Variants in TMTC2 observed in about 807,000 individuals in gnomAD.
TMTC2 encodes the protein protein O-mannosyl-transferase TMTC2.
TMTC2 carries 43 observed loss-of-function variants against 82.4 expected under a neutral mutation model. The observed-to-expected ratio is 0.52, with a 90% confidence interval of 0.41 to 0.67. The LOEUF (loss-of-function observed/expected upper bound fraction) is 0.67. TMTC2 is among the 30% of genes least tolerant of loss of function. TMTC2 has a pLI of 0.00. For missense variants in TMTC2, 919 were observed against 1,012.4 expected (o/e 0.91, Z 1.25); for synonymous variants, 408 against 381.9 (o/e 1.07, Z -0.80).
chr12:82,844,554 C>A (rs977767673), intron 1 of TMTC2, among the ~76,000 whole-genome samples: 1 of 152,158 alleles, frequency 6.6e-6, no homozygotes, highest in Non-Finnish European at 1.5e-5. Flanking sequence ...GTAATCCCAG[C>A]ACTTTGGGTG....
At chr12:82,995,292 G>C (rs1879568038) in intron 8 of TMTC2, among the ~76,000 whole-genome samples, 1 of 151,408 alleles carries the variant, frequency 6.6e-6, no homozygotes, top group Non-Finnish European at 1.5e-5. Context: ...TTTTACAAAA[G>C]GAAATGTATT....
intron 9 of TMTC2, among the ~76,000 whole-genome samples, chr12:83,032,125 G>T (rs1881452153): frequency 6.6e-6 from 1 of 151,678 alleles, no homozygotes; most frequent in Admixed American, 6.6e-5. Flanking sequence ...CTAAAAGGCT[G>T]CCTGTCATTG....
intron 1 of TMTC2, among the ~76,000 whole-genome samples, chr12:82,772,681 C>T (rs1340627756): frequency 1.3e-5 from 2 of 152,160 alleles, no homozygotes; most frequent in African/African-American, 2.4e-5. Flanking sequence ...ATCCCTGTCT[C>T]TCTTCCTGGT....
At chr12:82,931,645 G>A (rs138995863) in intron 4 of TMTC2, among the ~76,000 whole-genome samples, 11 of 152,268 alleles carry the variant, frequency 7.2e-5, no homozygotes, top group African/African-American at 2.6e-4. Context: ...TAGATCTAGT[G>A]CCTGATTGTG....
intron 4 of TMTC2, among the ~76,000 whole-genome samples, chr12:82,956,173 G>A (rs965063794): frequency 6.6e-6 from 1 of 151,832 alleles, no homozygotes; most frequent in Non-Finnish European, 1.5e-5. Flanking sequence ...CCACACAATA[G>A]AAACTACAAA....
intron 1 of TMTC2, among the ~76,000 whole-genome samples, chr12:82,769,369 A>G (rs943377874): frequency 2.0e-5 from 3 of 151,896 alleles, no homozygotes; most frequent in Admixed American, 6.6e-5. Flanking sequence ...CCAGAGACTC[A>G]GGAGGCTGAG....
At chr12:82,847,530 G>T (rs1375729788) in intron 1 of TMTC2, among the ~76,000 whole-genome samples, 1 of 152,066 alleles carries the variant, frequency 6.6e-6, no homozygotes, top group African/African-American at 2.4e-5. Context: ...CAATAGCAAA[G>T]ACTTGGAACC....
At chr12:82,953,314 C>G (rs1301965219) in intron 4 of TMTC2, among the ~76,000 whole-genome samples, 3 of 152,184 alleles carry the variant, frequency 2.0e-5, no homozygotes, top group Admixed American at 1.3e-4. Context: ...TACTTAATTC[C>G]TAAGCTCTTG....
In TMTC2 at chr12:82,899,568, A is replaced by G. The variant is rs550743587; in HGVS notation, c.1483+2922A>G. ...TATATATATATAAGAATATATATAT[A>G]TGTGGAATATATATATATAAGAATA... On this transcript the variant is annotated intron_variant, in intron 3 of 11. Coordinates refer to ENST00000321196, the MANE Select transcript of TMTC2 (RefSeq NM_152588.3). Among the ~76,000 whole-genome samples, 12 of 123,714 alleles carry G rather than the reference A, an allele frequency of 9.7e-5. No individual in the cohort carries two copies. The South Asian group carries it at 1.2e-3, about 12-fold the overall frequency. 81.2% of individuals were successfully genotyped at this position (123,714 alleles called of 152,430 possible).
At chr12:82,816,043 G>T (rs1868693202) in intron 1 of TMTC2, among the ~76,000 whole-genome samples, 1 of 151,954 alleles carries the variant, frequency 6.6e-6, no homozygotes, top group Non-Finnish European at 1.5e-5. Context: ...TGATATAGTA[G>T]TGGGTATGTA....
intron 2 of TMTC2, among the ~76,000 whole-genome samples, chr12:82,886,037 A>G (rs924982812): frequency 3.9e-5 from 6 of 152,182 alleles, no homozygotes; most frequent in African/African-American, 1.2e-4. Flanking sequence ...ATATGGACTC[A>G]TGAATATTTA....
intron 4 of TMTC2, among the ~76,000 whole-genome samples, chr12:82,934,370 C>T (rs896303849): frequency 2.2e-4 from 33 of 152,016 alleles, no homozygotes; most frequent in Admixed American, 1.1e-3. Flanking sequence ...CTAATGCTAT[C>T]CCTCCCCTAG....
intron 10 of TMTC2, among the ~76,000 whole-genome samples, chr12:83,056,694 A>C (rs572723189): frequency 2.9e-4 from 44 of 151,992 alleles, no homozygotes; most frequent in African/African-American, 9.9e-4. Flanking sequence ...TTCCAAACTT[A>C]CCAAAACCAC....
At chr12:83,033,187 G>A (rs1425123534) in intron 9 of TMTC2, among the ~76,000 whole-genome samples, 1 of 152,096 alleles carries the variant, frequency 6.6e-6, no homozygotes, top group African/African-American at 2.4e-5. Flanking sequence ...AGATGAGAAG[G>A]CCATAATTGA....
At chr12:82,754,506 G>A (rs768414566) in intron 1 of TMTC2, among the ~76,000 whole-genome samples, 3 of 152,096 alleles carry the variant, frequency 2.0e-5, no homozygotes, top group African/African-American at 2.4e-5. Flanking sequence ...AGGCCGAGGC[G>A]GGTGGATCAC....
chr12:82,767,657 A>G (rs888294067), intron 1 of TMTC2, among the ~76,000 whole-genome samples: 16 of 151,930 alleles, frequency 1.1e-4, no homozygotes, highest in African/African-American at 3.9e-4. Context: ...CCTTTACTGA[A>G]TATTGGTTTC....
intron 11 of TMTC2, among the ~76,000 whole-genome samples, chr12:83,111,945 CAA>C (rs371253481): frequency 7.3e-6 from 1 of 137,106 alleles, no homozygotes. Context: ...CTCGTCTCTA[CAA>C]AAAAAAAAAA....
At chr12:82,816,513 G>A (rs927784627) in intron 1 of TMTC2, among the ~76,000 whole-genome samples, 2 of 152,078 alleles carry the variant, frequency 1.3e-5, no homozygotes, top group African/African-American at 4.8e-5. Context: ...TGATGTGTTT[G>A]AAATGTTGTG....
At chr12:82,724,116 C>A (rs542972324) in intron 1 of TMTC2, among the ~76,000 whole-genome samples, 1 of 152,200 alleles carries the variant, frequency 6.6e-6, no homozygotes, top group Admixed American at 6.5e-5. Flanking sequence ...CTCTCTGACA[C>A]AGCTCACGTT....
Sources: allele counts gnomAD v4.1 joint callset (sites outside exome capture counted in the v4.1 genomes callset), GRCh38; gene constraint gnomAD v4.1.1; transcripts MANE v1.5; gene names NCBI Gene and HGNC (gene_info 2026-07-23, HGNC 2026-07-21).